Variants in ARFIP1 observed in about 807,000 individuals in gnomAD.
The protein encoded by ARFIP1 is arfaptin-1.
A neutral mutation model predicts 42.5 loss-of-function variants in ARFIP1; 24 were observed. The ratio of observed to expected loss-of-function variants is 0.57; its 90% CI spans 0.41 to 0.80. ARFIP1 has a LOEUF of 0.80. ARFIP1 is among the 30% of genes least tolerant of loss of function. ARFIP1 has a pLI of 0.00. For synonymous variants in ARFIP1, 141 were observed against 153.7 expected, an observed-to-expected ratio of 0.92 and a Z score of 0.61; for missense variants, 354 against 434.0, an observed-to-expected ratio of 0.82 and a Z score of 1.64.
intron 2 of ARFIP1, among the ~76,000 whole-genome samples, chr4:152,850,244 C>G (rs1363481175): frequency 6.6e-6 from 1 of 152,044 alleles, no homozygotes; most frequent in Non-Finnish European, 1.5e-5. Flanking sequence ...TTTTAATGAT[C>G]GGTGAAAACT....
chr4:152,873,009 T>C (rs1735017677), intron 5 of ARFIP1, among the ~76,000 whole-genome samples: 1 of 152,238 alleles, frequency 6.6e-6, no homozygotes, highest in Non-Finnish European at 1.5e-5. Flanking sequence ...ATTAGTTGTG[T>C]TTCTAAAGTT....
Position 152,796,384 on chromosome 4 carries a change from G to T in ARFIP1, c.-10+16158G>T, listed in dbSNP as rs543461990. On this transcript the variant is annotated intron_variant, in intron 1 of 8. Transcript: ENST00000353617. ...TTGTAAAGACATCTCTAGCAAAGCA[G>T]ACTTCAGTAACCATCCTCTTCCATG... The T allele has an allele frequency of 9.5e-5, 69 of 726,128 alleles. No homozygotes were observed. In the South Asian group the frequency reaches 1.0e-3, roughly 11 times the overall value. 45.0% of individuals were successfully genotyped at this position (726,128 alleles called of 1,614,324 possible). A position where few individuals can be genotyped will look rare whatever the true frequency, so the allele number is the denominator to read the frequency against.
At chr4:152,806,503 C>T (rs1403810749) in intron 1 of ARFIP1, among the ~76,000 whole-genome samples, 3 of 151,992 alleles carry the variant, frequency 2.0e-5, no homozygotes, top group Non-Finnish European at 4.4e-5. Flanking sequence ...TAATTTTTAC[C>T]TTTTTTTCAA....
At chr4:152,871,711 T>C (rs1294878382) in intron 4 of ARFIP1, among the ~76,000 whole-genome samples, 5 of 152,030 alleles carry the variant, frequency 3.3e-5, no homozygotes, top group Admixed American at 1.3e-4. Context: ...ATTTTGACTA[T>C]GAAAAGTATT....
chr4:152,872,412 C>T (rs760022708), intron 4 of ARFIP1, 40 bp from the exon 5 acceptor site: 2 of 1,320,978 alleles, frequency 1.5e-6, no homozygotes. Flanking sequence ...CCCTGCTTGT[C>T]TTCATCTGGA....
chr4:152,883,801 CT>C (rs1736049323), intron 7 of ARFIP1, among the ~76,000 whole-genome samples: 1 of 151,700 alleles, frequency 6.6e-6, no homozygotes, highest in African/African-American at 2.4e-5. Context: ...TGCCCTACCC[CT>C]TTTATTTAAG....
At chr4:152,868,691 G>A (rs1734613617) in intron 3 of ARFIP1, among the ~76,000 whole-genome samples, 1 of 152,036 alleles carries the variant, frequency 6.6e-6, no homozygotes, top group African/African-American at 2.4e-5. Flanking sequence ...CTATTCCTGG[G>A]GTCAAGACAT....
chr4:152,804,674 T>C (rs1410586833), intron 1 of ARFIP1, among the ~76,000 whole-genome samples: 1 of 150,814 alleles, frequency 6.6e-6, no homozygotes, highest in Admixed American at 6.7e-5. Flanking sequence ...TGTTTTCTTA[T>C]GTGTGAAGAG....
At chr4:152,823,725 C>G (rs566002370) in intron 1 of ARFIP1, among the ~76,000 whole-genome samples, 1 of 130,976 alleles carries the variant, frequency 7.6e-6, no homozygotes, top group African/African-American at 2.9e-5. Flanking sequence ...TCCAGTGAGC[C>G]GAGATCACAC....
chr4:152,868,894 A>G (rs1344934184), intron 3 of ARFIP1, among the ~76,000 whole-genome samples: 2 of 152,236 alleles, frequency 1.3e-5, no homozygotes, highest in Admixed American at 1.3e-4. Context: ...TATGGTGTTC[A>G]GAACATCTGA....
At chr4:152,842,571 C>T (rs1578912624) in intron 2 of ARFIP1, among the ~76,000 whole-genome samples, 1 of 152,270 alleles carries the variant, frequency 6.6e-6, no homozygotes, top group African/African-American at 2.4e-5. Flanking sequence ...GGTTGTTTAA[C>T]ATAATCCCAG....
chr4:152,878,454 T>C (rs1399768716), intron 5 of ARFIP1, among the ~76,000 whole-genome samples: 1 of 152,200 alleles, frequency 6.6e-6, no homozygotes, highest in African/African-American at 2.4e-5. Context: ...GGGAAATTGG[T>C]GGCAACTTTA....
At chr4:152,836,168 G>A (rs986327396) in intron 2 of ARFIP1, among the ~76,000 whole-genome samples, 26 of 152,160 alleles carry the variant, frequency 1.7e-4, no homozygotes, top group African/African-American at 6.0e-4. Context: ...ATACAAACCT[G>A]CAGTTGACGG....
At chr4:152,824,868 A>G (rs1047930007) in intron 1 of ARFIP1, among the ~76,000 whole-genome samples, 1 of 152,148 alleles carries the variant, frequency 6.6e-6, no homozygotes, top group African/African-American at 2.4e-5. Context: ...CAGTGTACAC[A>G]AAATAGTAGC....
chr4:152,836,901 C>T (rs1731692335), intron 2 of ARFIP1, among the ~76,000 whole-genome samples: 1 of 152,078 alleles, frequency 6.6e-6, no homozygotes, highest in Non-Finnish European at 1.5e-5. Flanking sequence ...AAGCAGTATA[C>T]ACTGCACCAT....
intron 8 of ARFIP1, among the ~76,000 whole-genome samples, chr4:152,894,986 G>A (rs566789713): frequency 3.9e-5 from 6 of 152,312 alleles, no homozygotes; most frequent in African/African-American, 1.4e-4. Flanking sequence ...GGTGTGGTAT[G>A]GTGAAAGAAT....
intron 8 of ARFIP1, among the ~76,000 whole-genome samples, chr4:152,903,726 G>A (rs930298031): frequency 6.6e-6 from 1 of 152,110 alleles, no homozygotes; most frequent in Non-Finnish European, 1.5e-5. Context: ...AAGTTGCATT[G>A]TGGGGTGGGG....
Position 152,799,272 on chromosome 4 carries a change from A to G in ARFIP1, c.-10+19046A>G, listed in dbSNP as rs565316590. Reference sequence around the variant, plus strand: ...AAAAGCAAATTCTGAATACAAATAAATTAGTTATTATTTTCCCCATTTTTT... The same window carrying G: ...AAAAGCAAATTCTGAATACAAATAAGTTAGTTATTATTTTCCCCATTTTTT... On this transcript the variant is annotated intron_variant, in intron 1 of 8. Coordinates refer to ENST00000353617, the MANE Select transcript of ARFIP1 (RefSeq NM_001025595.3). 1.4e-4 allele frequency among the ~76,000 whole-genome samples: 22 copies of G among 152,332 alleles called. 1 individual carries two copies. The highest frequency in any genetic ancestry group is 5.1e-4 in the African/African-American group (21 of 41,570).
intron 2 of ARFIP1, 73 bp from the exon 3 acceptor site, chr4:152,863,533 A>G (rs1734053815): frequency 3.7e-6 from 3 of 812,140 alleles, no homozygotes; most frequent in Non-Finnish European, 6.2e-6. Flanking sequence ...TTAAAAGGAT[A>G]CAATTATTCT....
Sources: allele counts gnomAD v4.1 joint callset (sites outside exome capture counted in the v4.1 genomes callset), GRCh38; gene constraint gnomAD v4.1.1; transcripts MANE v1.5; gene names NCBI Gene and HGNC (gene_info 2026-07-23, HGNC 2026-07-21).